The following GATAD1 variants were observed in gnomAD, a reference collection of about 807,000 sequenced individuals.
GATAD1 encodes GATA zinc finger domain containing 1.
A neutral mutation model predicts 26.5 loss-of-function variants in GATAD1; 12 were observed. The observed-to-expected ratio is 0.45, with a 90% CI of 0.29 to 0.73. GATAD1 has a LOEUF of 0.73. GATAD1 is among the 30% of genes least tolerant of loss of function. The probability of loss-of-function intolerance (pLI) is 0.10; values close to 1 mark genes in which losing one functional copy is unlikely to be tolerated. For missense variants in GATAD1, 266 were observed against 342.1 expected (o/e 0.78, Z 1.75); for synonymous variants, 129 against 133.1 (o/e 0.97, Z 0.21).
rs1437833940 is a variant in GATAD1, at chr7:92,459,336, T to C, written c.*2774T>C. 1.3e-5 allele frequency: 2 copies of C among 151,958 alleles called. No homozygotes were observed. The highest frequency in any genetic ancestry group is 4.8e-5 in the African/African-American group (2 of 41,360). The allele number at this position is 151,958 out of a possible 1,614,324, so 9.4% of individuals were successfully genotyped here. A position where few individuals can be genotyped will look rare whatever the true frequency, so the allele number is the denominator to read the frequency against. On this transcript the variant is annotated 3_prime_UTR_variant, in exon 5 of 5. Transcript: ENST00000287957. ...ACACAATGTAAAACATTTATTAAAATGTAGACTTTTAAAAATCTATAAATT... is the reference window on the plus strand; with the variant it reads ...ACACAATGTAAAACATTTATTAAAACGTAGACTTTTAAAAATCTATAAATT...
chr7:92,450,486 C>G, intron 2 of GATAD1: 1 of 534,428 alleles, frequency 1.9e-6, no homozygotes, highest in Non-Finnish European at 3.3e-6. Context: ...TGTCCTTTGT[C>G]TCAGCAATTT....
the GATAD1 span, chr7:92,489,947 AAG>A: frequency 6.5e-7 from 1 of 1,529,042 alleles, no homozygotes; most frequent in South Asian, 1.1e-5. Context: ...AGATGGAAGG[AAG>A]AGGGGGAGAG....
Position 92,460,052 on chromosome 7 carries a change from AAT to A in GATAD1, c.*3493_*3494del, listed in dbSNP as rs1211304511. Among the ~76,000 whole-genome samples the A allele has an allele frequency of 6.6e-6, 1 of 152,234 alleles. No homozygotes were observed. The highest frequency in any genetic ancestry group is 1.5e-5 in the Non-Finnish European group (1 of 68,042). On this transcript the variant is annotated 3_prime_UTR_variant, in exon 5 of 5. Transcript: ENST00000287957. ...AGTTCTCTTAACACAAATAAAGCTT[AAT>A]ATGAGTATTTGAAGGAAATTATCCC... is the stretch of plus-strand genomic sequence containing the variant.
chr7:92,470,091 A>C, the GATAD1 span: 1 of 778,852 alleles, frequency 1.3e-6, no homozygotes, highest in Non-Finnish European at 2.4e-6. Context: ...CAAGTCCTCC[A>C]GGACAACTAG....
At chr7:92,468,853 G>T in the GATAD1 span, 4 of 764,520 alleles carry the variant, frequency 5.2e-6, no homozygotes, top group South Asian at 4.0e-5. Context: ...ATTAACATCA[G>T]ATCGTGGGCT....
chr7:92,494,357 A>T, the GATAD1 span: 2 of 1,614,072 alleles, frequency 1.2e-6, no homozygotes. Flanking sequence ...GGCAGGGTCA[A>T]TCAAGTCAGG....
At chr7:92,452,727 A>G (rs1179120886) in intron 3 of GATAD1, among the ~76,000 whole-genome samples, 1 of 152,228 alleles carries the variant, frequency 6.6e-6, no homozygotes, top group Non-Finnish European at 1.5e-5. Flanking sequence ...AATACCTACT[A>G]TGTGCCAGGC....
chr7:92,450,606 G>A (rs1292221884), intron 2 of GATAD1, 95 bp from the exon 3 acceptor site: 2 of 725,698 alleles, frequency 2.8e-6, no homozygotes, highest in Non-Finnish European at 4.8e-6. Context: ...ATACATTTTA[G>A]TACTTCTCAA....
At chr7:92,493,318 A>G in the GATAD1 span, 3,294 of 401,550 alleles carry the variant, frequency 8.2e-3, 22 homozygotes, top group Non-Finnish European at 0.011. Context: ...GAAATAATAT[A>G]TATAGGAAAA....
At chr7:92,452,237 T>C (rs1302303809) in intron 3 of GATAD1, among the ~76,000 whole-genome samples, 7 of 152,262 alleles carry the variant, frequency 4.6e-5, no homozygotes, top group African/African-American at 7.2e-5. Context: ...GGACCTGTTA[T>C]TGTGACTGTC....
chr7:92,453,646 TTTTTGGTTTGAATTTG>T (rs1246796855), intron 3 of GATAD1, among the ~76,000 whole-genome samples: 1 of 152,196 alleles, frequency 6.6e-6, no homozygotes, highest in Non-Finnish European at 1.5e-5. Context: ...CCAAAGATTA[TTTTTGGTTTGAATTTG>T]TTTTGGTTTG....
At chr7:92,455,955 T>C (rs776668385) in intron 4 of GATAD1, among the ~76,000 whole-genome samples, 1 of 152,206 alleles carries the variant, frequency 6.6e-6, no homozygotes, top group Non-Finnish European at 1.5e-5. Context: ...ACACCAGTTC[T>C]GGAGCCAGAC....
Position 92,448,910 on chromosome 7 carries a change from A to G in GATAD1, c.375+33A>G, listed in dbSNP as rs748130037. On this transcript the variant is annotated intron_variant, in intron 2 of 4. Transcript: ENST00000287957. Reference sequence around the variant, plus strand: ...ATTTGTGGACAGTGCCTTTTACTGTAATGACGTTGTGTGTATCCTGCCACT... The same window carrying G: ...ATTTGTGGACAGTGCCTTTTACTGTGATGACGTTGTGTGTATCCTGCCACT... 3 of 1,595,274 alleles carry G rather than the reference A, an allele frequency of 1.9e-6. No homozygotes were observed. In the East Asian group the frequency reaches 6.7e-5, roughly 36 times the overall value.
the GATAD1 span, chr7:92,477,312 C>T: frequency 4.6e-5 from 7 of 152,376 alleles, no homozygotes; most frequent in East Asian, 1.9e-4. Context: ...GACAAGTGCC[C>T]GGTATTTTCC....
intron 3 of GATAD1, chr7:92,454,179 C>T: frequency 3.7e-6 from 1 of 272,012 alleles, no homozygotes; most frequent in Middle Eastern, 1.2e-3. Context: ...TGCTGTAAAC[C>T]TAAAACCTCT....
the GATAD1 span, among the ~76,000 whole-genome samples, chr7:92,478,541 A>G: frequency 6.6e-6 from 1 of 152,186 alleles, no homozygotes; most frequent in African/African-American, 2.4e-5. Flanking sequence ...GGATGCAGCT[A>G]CCATAATCAG....
At chr7:92,483,040 C>T in the GATAD1 span, among the ~76,000 whole-genome samples, 1 of 152,182 alleles carries the variant, frequency 6.6e-6, no homozygotes, top group Admixed American at 6.5e-5. Flanking sequence ...AGTGATCGGG[C>T]AGTGTCAGTC....
the GATAD1 span, among the ~76,000 whole-genome samples, chr7:92,486,678 T>TAA: frequency 6.6e-6 from 1 of 152,108 alleles, no homozygotes. Context: ...ATTTTTTTTT[T>TAA]AAGAGATGGG....
chr7:92,468,176 G>T, the GATAD1 span, among the ~76,000 whole-genome samples: 3 of 152,210 alleles, frequency 2.0e-5, no homozygotes, highest in Non-Finnish European at 1.5e-5. Flanking sequence ...ATGAACCCAG[G>T]CACTTAGCCA....
Sources: allele counts gnomAD v4.1 joint callset (sites outside exome capture counted in the v4.1 genomes callset), GRCh38; gene constraint gnomAD v4.1.1; transcripts MANE v1.5; gene names NCBI Gene and HGNC (gene_info 2026-07-23, HGNC 2026-07-21).